Variants in FHIT observed in about 807,000 individuals in gnomAD.
FHIT encodes fragile histidine triad diadenosine triphosphatase.
Under a neutral mutation model 17.9 loss-of-function variants are expected in FHIT, and 19 were observed. The observed-to-expected ratio is 1.06, with a 90% CI of 0.74 to 1.56. The LOEUF is 1.56. Among genes scored for constraint, FHIT ranks in the 40% most tolerant of loss-of-function variants. The pLI, the probability that FHIT is intolerant of heterozygous loss-of-function variation, is 0.00. For synonymous variants in FHIT, 81 were observed against 69.7 expected (o/e 1.16, Z -0.81); for missense variants, 248 against 189.2 (o/e 1.31, Z -1.82).
chr3:60,095,036 T>C (rs190187771), intron 5 of FHIT, among the ~76,000 whole-genome samples: 105 of 152,288 alleles, frequency 6.9e-4, no homozygotes, highest in Non-Finnish European at 6.2e-4. Flanking sequence ...GTGGTAGCTT[T>C]CATGCAAATG....
At chr3:60,628,269 T>A (rs563068854) in intron 4 of FHIT, among the ~76,000 whole-genome samples, 3 of 152,352 alleles carry the variant, frequency 2.0e-5, no homozygotes, top group South Asian at 4.1e-4. Flanking sequence ...AAAAATATGT[T>A]AGATTTCTAA....
chr3:60,178,527 A>T (rs1422858662), intron 5 of FHIT, among the ~76,000 whole-genome samples: 1 of 152,094 alleles, frequency 6.6e-6, no homozygotes. Flanking sequence ...CAGAGGTTGC[A>T]GTGAGCCAAG....
At chr3:60,425,778 T>G (rs1702639765) in intron 5 of FHIT, among the ~76,000 whole-genome samples, 1 of 149,618 alleles carries the variant, frequency 6.7e-6, no homozygotes, top group African/African-American at 2.5e-5. Flanking sequence ...CCCAATTAAT[T>G]TTATAATCAA....
chr3:61,072,584 A>C (rs1482158520), intron 2 of FHIT, among the ~76,000 whole-genome samples: 4 of 152,234 alleles, frequency 2.6e-5, no homozygotes, highest in African/African-American at 9.6e-5. Flanking sequence ...GCCTGCAAAG[A>C]AAAGTAACAC....
intron 5 of FHIT, among the ~76,000 whole-genome samples, chr3:60,362,044 T>A (rs1404465686): frequency 6.6e-6 from 1 of 151,670 alleles, no homozygotes; most frequent in Middle Eastern, 3.2e-3. Context: ...GTGTCACCAA[T>A]CTTAAATCTC....
At chr3:60,453,202 T>C (rs1466840931) in intron 5 of FHIT, among the ~76,000 whole-genome samples, 1 of 152,296 alleles carries the variant, frequency 6.6e-6, no homozygotes, top group African/African-American at 2.4e-5. Flanking sequence ...GCAGATTTTT[T>C]TTTTTTTTAA....
At chr3:60,342,769 A>G (rs776863802) in intron 5 of FHIT, among the ~76,000 whole-genome samples, 12 of 152,322 alleles carry the variant, frequency 7.9e-5, no homozygotes, top group Non-Finnish European at 1.2e-4. Flanking sequence ...AAAGTTGAGA[A>G]TTATAAAGAG....
chr3:60,332,784 G>C (rs911129217), intron 5 of FHIT, among the ~76,000 whole-genome samples: 2 of 152,028 alleles, frequency 1.3e-5, no homozygotes, highest in South Asian at 2.1e-4. Context: ...TCACAACCAA[G>C]AATTTGTTCT....
At chr3:60,147,217 A>G (rs1191741055) in intron 5 of FHIT, among the ~76,000 whole-genome samples, 1 of 152,062 alleles carries the variant, frequency 6.6e-6, no homozygotes, top group Non-Finnish European at 1.5e-5. Context: ...GCTTTCCAAA[A>G]CCTCTTTCAG....
chr3:60,915,790 C>T (rs978429766), intron 3 of FHIT, among the ~76,000 whole-genome samples: 2 of 152,014 alleles, frequency 1.3e-5, no homozygotes, highest in African/African-American at 4.8e-5. Flanking sequence ...CCAGAAAGAA[C>T]CAAATACATC....
chr3:60,024,364 A>C (rs914620642), intron 5 of FHIT, among the ~76,000 whole-genome samples: 1 of 152,206 alleles, frequency 6.6e-6, no homozygotes, highest in African/African-American at 2.4e-5. Flanking sequence ...AAATGTGAAG[A>C]TTTCGTAGTG....
At chr3:61,044,677 T>C (rs1228213187) in intron 2 of FHIT, among the ~76,000 whole-genome samples, 1 of 152,018 alleles carries the variant, frequency 6.6e-6, no homozygotes. Context: ...AGACACATAA[T>C]TGTCAGATTC....
chr3:59,917,611 A>AG (rs1705195227), intron 8 of FHIT, among the ~76,000 whole-genome samples: 1 of 152,238 alleles, frequency 6.6e-6, no homozygotes, highest in Admixed American at 6.5e-5. Context: ...AGATGTAGAA[A>AG]GAGTTTGGGA....
At chr3:60,889,458 C>T (rs533416821) in intron 3 of FHIT, among the ~76,000 whole-genome samples, 18 of 152,336 alleles carry the variant, frequency 1.2e-4, no homozygotes, top group African/African-American at 3.4e-4. Flanking sequence ...ATAACAACCA[C>T]TTTGACATTC....
Position 60,542,138 on chromosome 3 carries a change from C to T in FHIT, c.-17-5159G>A, listed in dbSNP as rs143707787. 2.2e-4 allele frequency among the ~76,000 whole-genome samples: 33 copies of T among 152,090 alleles called. No individual in the cohort carries two copies. The East Asian group carries it at 3.9e-3, about 18-fold the overall frequency. On this transcript the variant is annotated intron_variant, in intron 4 of 9. Transcript: ENST00000492590. ...GTATATAAATTGTAGGTTTTAAATC[C>T]CATTCTTCTGTATTCTCTCAACATT...
intron 3 of FHIT, among the ~76,000 whole-genome samples, chr3:60,910,170 A>G (rs1706661559): frequency 6.6e-6 from 1 of 152,152 alleles, no homozygotes; most frequent in Non-Finnish European, 1.5e-5. Flanking sequence ...AATCTAACCA[A>G]TCAAAATCTT....
At chr3:60,284,628 TG>T (rs1475451283) in intron 5 of FHIT, among the ~76,000 whole-genome samples, 19 of 152,238 alleles carry the variant, frequency 1.2e-4, no homozygotes, top group African/African-American at 4.6e-4. Flanking sequence ...TTACACCCAT[TG>T]TTTCTGAGTA....
At chr3:60,208,801 T>G (rs1229466094) in intron 5 of FHIT, among the ~76,000 whole-genome samples, 1 of 152,184 alleles carries the variant, frequency 6.6e-6, no homozygotes, top group African/African-American at 2.4e-5. Context: ...TTAGACCTTT[T>G]TTGTAGGTGA....
intron 4 of FHIT, among the ~76,000 whole-genome samples, chr3:60,629,411 T>G (rs1410347383): frequency 2.0e-5 from 3 of 152,136 alleles, no homozygotes; most frequent in Non-Finnish European, 4.4e-5. Context: ...TTTAAATGAG[T>G]TTCTTTATAT....
Sources: allele counts gnomAD v4.1 joint callset (sites outside exome capture counted in the v4.1 genomes callset), GRCh38; gene constraint gnomAD v4.1.1; transcripts MANE v1.5; gene names NCBI Gene and HGNC (gene_info 2026-07-23, HGNC 2026-07-21).